The following DOCK3 variants were observed in gnomAD, a reference collection of about 807,000 sequenced individuals.
The protein encoded by DOCK3 is dedicator of cytokinesis protein 3.
In DOCK3, 60 loss-of-function variants were observed where a neutral mutation model predicts 265.6. The ratio of observed to expected loss-of-function variants is 0.23; its 90% CI spans 0.18 to 0.28. The LOEUF (loss-of-function observed/expected upper bound fraction) is 0.28. Ranked by LOEUF, DOCK3 falls within the 10% of genes least tolerant of loss-of-function variation. The pLI, the probability that DOCK3 is intolerant of heterozygous loss-of-function variation, is 1.00. For synonymous variants in DOCK3, 881 were observed against 938.0 expected (o/e 0.94, Z 1.11); for missense variants, 1,981 against 2,594.3 (o/e 0.76, Z 5.14).
intron 9 of DOCK3, among the ~76,000 whole-genome samples, chr3:51,120,343 G>T (rs536819278): frequency 1.3e-4 from 20 of 152,116 alleles, no homozygotes; most frequent in Admixed American, 1.3e-3. Flanking sequence ...TGAAAGCTTT[G>T]TCCTAGAGGG....
At chr3:50,897,048 G>T (rs2048928059) in intron 4 of DOCK3, among the ~76,000 whole-genome samples, 1 of 152,070 alleles carries the variant, frequency 6.6e-6, no homozygotes, top group African/African-American at 2.4e-5. Flanking sequence ...TGATGGGGAT[G>T]ACACTGACTC....
intron 23 of DOCK3, among the ~76,000 whole-genome samples, chr3:51,262,108 C>G (rs1264527959): frequency 1.3e-5 from 2 of 152,232 alleles, no homozygotes; most frequent in East Asian, 3.8e-4. Context: ...TACCCCCGTG[C>G]CTCCTGACTG....
intron 1 of DOCK3, among the ~76,000 whole-genome samples, chr3:50,723,059 C>A (rs182833783): frequency 6.6e-6 from 1 of 152,098 alleles, no homozygotes; most frequent in African/African-American, 2.4e-5. Flanking sequence ...AGACGTGGAC[C>A]ACCATGCCTG....
At chr3:51,283,969 C>G (rs528089463) in intron 27 of DOCK3, among the ~76,000 whole-genome samples, 1 of 152,144 alleles carries the variant, frequency 6.6e-6, no homozygotes, top group South Asian at 2.1e-4. Flanking sequence ...GGTCTGGCTT[C>G]TTGAGTTAAA....
intron 19 of DOCK3, among the ~76,000 whole-genome samples, chr3:51,230,474 T>A (rs1276852999): frequency 6.6e-6 from 1 of 152,146 alleles, no homozygotes. Flanking sequence ...TGCATGGTAT[T>A]CCATGGTGTA....
chr3:51,238,912 A>G (rs771002128), intron 21 of DOCK3, among the ~76,000 whole-genome samples: 3 of 152,204 alleles, frequency 2.0e-5, no homozygotes, highest in Admixed American at 6.5e-5. Context: ...CAGTGCTGCA[A>G]TGAACCTATG....
At chr3:50,727,452 C>T (rs538379001) in intron 1 of DOCK3, among the ~76,000 whole-genome samples, 1 of 152,232 alleles carries the variant, frequency 6.6e-6, no homozygotes, top group East Asian at 1.9e-4. Flanking sequence ...AATTCCAGCA[C>T]TTTGGGAGGC....
chr3:51,130,513 T>C (rs2084480500), intron 9 of DOCK3, among the ~76,000 whole-genome samples: 1 of 152,200 alleles, frequency 6.6e-6, no homozygotes, highest in Non-Finnish European at 1.5e-5. Flanking sequence ...GCAGCTGTAA[T>C]TGGAGTCACC....
At chr3:51,074,747 G>A (rs1324299397) in intron 6 of DOCK3, among the ~76,000 whole-genome samples, 1 of 152,040 alleles carries the variant, frequency 6.6e-6, no homozygotes, top group African/African-American at 2.4e-5. Flanking sequence ...TCTAGGTGGT[G>A]GGTTGTGAGG....
At chr3:51,276,470 G>T (rs2080825123) in intron 25 of DOCK3, 10 of 982,118 alleles carry the variant, frequency 1.0e-5, no homozygotes, top group Non-Finnish European at 1.2e-5. Context: ...TGACGGTTTG[G>T]TTGTGTTTGT....
intron 5 of DOCK3, among the ~76,000 whole-genome samples, chr3:51,006,137 T>C (rs1172512578): frequency 6.6e-6 from 1 of 152,170 alleles, no homozygotes; most frequent in Non-Finnish European, 1.5e-5. Flanking sequence ...GTTATCTTCA[T>C]AGCTCATTCT....
At chr3:51,104,250 C>T (rs538139205) in intron 9 of DOCK3, among the ~76,000 whole-genome samples, 27 of 152,272 alleles carry the variant, frequency 1.8e-4, no homozygotes, top group Non-Finnish European at 3.5e-4. Flanking sequence ...TGGAACAAAA[C>T]GAACAAGGAC....
At chr3:50,913,261 G>A (rs903596779) in intron 4 of DOCK3, among the ~76,000 whole-genome samples, 7 of 152,082 alleles carry the variant, frequency 4.6e-5, no homozygotes, top group Non-Finnish European at 7.3e-5. Context: ...AGGTCTGAGA[G>A]TTAGGACCTG....
intron 14 of DOCK3, among the ~76,000 whole-genome samples, chr3:51,218,674 A>T (rs1457814204): frequency 1.3e-5 from 2 of 152,222 alleles, no homozygotes; most frequent in Non-Finnish European, 2.9e-5. Context: ...CATTGATTGT[A>T]GGTGATATGA....
At chr3:51,185,192 G>T (rs756061397) in intron 12 of DOCK3, among the ~76,000 whole-genome samples, 1 of 152,124 alleles carries the variant, frequency 6.6e-6, no homozygotes, top group Non-Finnish European at 1.5e-5. Context: ...TTTGAATAAA[G>T]TATGGACTTA....
intron 17 of DOCK3, 33 bp from the exon 18 acceptor site, chr3:51,228,627 CA>C: frequency 6.3e-7 from 1 of 1,599,276 alleles, no homozygotes; most frequent in Non-Finnish European, 8.5e-7. Context: ...TTGCATGGCT[CA>C]GGGGACATTT....
intron 1 of DOCK3, among the ~76,000 whole-genome samples, chr3:50,760,524 A>G (rs1270345166): frequency 6.6e-6 from 1 of 152,186 alleles, no homozygotes; most frequent in African/African-American, 2.4e-5. Context: ...ACATCTTATA[A>G]AATAGGCTTT....
chr3:50,770,486 A>G (rs1201447431), intron 1 of DOCK3, among the ~76,000 whole-genome samples: 1 of 152,154 alleles, frequency 6.6e-6, no homozygotes, highest in Admixed American at 6.5e-5. Flanking sequence ...ATTGATTGGA[A>G]CAATCAGTAT....
chr3:50,910,165 T>C (rs1338449651), intron 4 of DOCK3, among the ~76,000 whole-genome samples: 1 of 152,112 alleles, frequency 6.6e-6, no homozygotes, highest in Non-Finnish European at 1.5e-5. Context: ...GGTTAGGACA[T>C]GCTCCTTTAT....
Sources: gnomAD v4.1 joint callset for allele counts (sites outside exome capture counted in the v4.1 genomes callset) on GRCh38, gnomAD v4.1.1 for gene constraint, MANE v1.5 for transcripts, NCBI Gene and HGNC (gene_info 2026-07-23, HGNC 2026-07-21) for gene names.